Variants in NCKAP5 observed in about 807,000 individuals in gnomAD.
NCKAP5 encodes nck-associated protein 5.
NCKAP5 carries 92 observed loss-of-function variants against 167.0 expected under a neutral mutation model. The observed-to-expected ratio is 0.55, with a 90% CI of 0.47 to 0.66. The LOEUF (loss-of-function observed/expected upper bound fraction) is 0.66. Among genes scored for constraint, NCKAP5 ranks in the 30% least tolerant of loss-of-function variants. NCKAP5 has a pLI of 0.00. For synonymous variants in NCKAP5, 891 were observed against 877.4 expected (o/e 1.02, Z -0.27); for missense variants, 2,378 against 2,315.0 (o/e 1.03, Z -0.56).
At chr2:133,326,170 A>G (rs1219260041) in intron 3 of NCKAP5, among the ~76,000 whole-genome samples, 1 of 152,138 alleles carries the variant, frequency 6.6e-6, no homozygotes, top group African/African-American at 2.4e-5. Context: ...TTGAAAAACT[A>G]TAAGGCCGGG....
intron 8 of NCKAP5, among the ~76,000 whole-genome samples, chr2:132,903,231 A>G (rs142155897): frequency 1.3e-5 from 2 of 152,260 alleles, no homozygotes; most frequent in East Asian, 3.9e-4. Flanking sequence ...TAAACCAAAA[A>G]TGCAGTTCCT....
At chr2:132,963,897 A>G in intron 7 of NCKAP5, 28 bp from the exon 8 acceptor site, 1 of 1,611,528 alleles carries the variant, frequency 6.2e-7, no homozygotes, top group Non-Finnish European at 8.5e-7. Context: ...TACTGTTTTC[A>G]ATAATCTCCA....
chr2:132,809,286 T>G (rs1685674237), intron 11 of NCKAP5, among the ~76,000 whole-genome samples: 2 of 152,192 alleles, frequency 1.3e-5, no homozygotes, highest in Non-Finnish European at 2.9e-5. Context: ...TTAAGTCCAT[T>G]TGTTCCAAGG....
intron 16 of NCKAP5, among the ~76,000 whole-genome samples, chr2:132,759,641 C>T (rs1367059165): frequency 2.6e-5 from 4 of 152,032 alleles, no homozygotes; most frequent in Non-Finnish European, 4.4e-5. Flanking sequence ...GTTATTAATA[C>T]AGCTATACCA....
At chr2:132,697,861 C>G (rs184062537) in intron 19 of NCKAP5, among the ~76,000 whole-genome samples, 1 of 152,212 alleles carries the variant, frequency 6.6e-6, no homozygotes, top group East Asian at 1.9e-4. Flanking sequence ...TTTTTCTTCC[C>G]ATCAAACTTT....
intron 6 of NCKAP5, among the ~76,000 whole-genome samples, chr2:133,053,707 G>A (rs1038276870): frequency 1.3e-5 from 2 of 152,046 alleles, no homozygotes; most frequent in South Asian, 2.1e-4. Context: ...TGCTTACAGG[G>A]TAAGATTTCA....
At chr2:132,712,517 A>T (rs1467104033) in intron 19 of NCKAP5, among the ~76,000 whole-genome samples, 7 of 152,056 alleles carry the variant, frequency 4.6e-5, no homozygotes, top group African/African-American at 9.7e-5. Flanking sequence ...CCGGGTGTAG[A>T]GGCGGGCACC....
At chr2:132,931,304 G>A (rs1019146327) in intron 8 of NCKAP5, 3 of 152,124 alleles carry the variant, frequency 2.0e-5, no homozygotes, top group Non-Finnish European at 2.9e-5. Flanking sequence ...AATAACAGGC[G>A]AATAGACTAA....
chr2:133,623,534 C>A, the NCKAP5 span, among the ~76,000 whole-genome samples: 1 of 151,368 alleles, frequency 6.6e-6, no homozygotes, highest in Non-Finnish European at 1.5e-5. Flanking sequence ...AAATGGCCAA[C>A]AAGCATATGG....
intron 11 of NCKAP5, among the ~76,000 whole-genome samples, chr2:132,858,847 A>C (rs1689667275): frequency 1.3e-5 from 2 of 152,196 alleles, no homozygotes; most frequent in Admixed American, 6.5e-5. Flanking sequence ...TTATATACCC[A>C]TAGCACGTGT....
At chr2:133,524,982 ATGTG>A (rs1050474196) in intron 2 of NCKAP5, among the ~76,000 whole-genome samples, 2 of 152,118 alleles carry the variant, frequency 1.3e-5, no homozygotes, top group Admixed American at 6.5e-5. Context: ...GTATGTGTGC[ATGTG>A]TGTGTGTATT....
At chr2:132,788,327 T>TTATA (rs137867378) in intron 13 of NCKAP5, among the ~76,000 whole-genome samples, 99 of 151,938 alleles carry the variant, frequency 6.5e-4, no homozygotes, top group African/African-American at 2.2e-3. Context: ...GACAAGAATC[T>TTATA]TATATATATA....
chr2:132,716,851 C>T (rs766412012), intron 19 of NCKAP5, among the ~76,000 whole-genome samples: 1 of 152,196 alleles, frequency 6.6e-6, no homozygotes, highest in African/African-American at 2.4e-5. Context: ...ATGCAAGTCA[C>T]ATCACAGCCT....
At chr2:133,244,885 A>G (rs971622688) in intron 4 of NCKAP5, among the ~76,000 whole-genome samples, 5 of 152,324 alleles carry the variant, frequency 3.3e-5, no homozygotes, top group Admixed American at 6.5e-5. Flanking sequence ...ACATAAGAAC[A>G]TATCTTGATG....
At chr2:133,387,371 G>A (rs957762883) in intron 3 of NCKAP5, among the ~76,000 whole-genome samples, 1 of 152,052 alleles carries the variant, frequency 6.6e-6, no homozygotes, top group African/African-American at 2.4e-5. Context: ...TTGAATATTG[G>A]CCCCCACTCT....
intron 7 of NCKAP5, among the ~76,000 whole-genome samples, chr2:132,966,854 G>T (rs979386661): frequency 6.6e-6 from 1 of 152,018 alleles, no homozygotes; most frequent in Non-Finnish European, 1.5e-5. Context: ...TACACTCAGG[G>T]CCATGTCAAA....
At chr2:132,794,848 A>C (rs1274648667) in intron 12 of NCKAP5, among the ~76,000 whole-genome samples, 3 of 152,196 alleles carry the variant, frequency 2.0e-5, no homozygotes, top group Admixed American at 6.5e-5. Context: ...GTTACCAGGG[A>C]TCACTGATGT....
At chr2:133,616,445 T>G in the NCKAP5 span, among the ~76,000 whole-genome samples, 74,870 of 150,694 alleles carry the variant, frequency 0.5, 20,579 homozygotes, top group Middle Eastern at 0.71. Flanking sequence ...ATCAAATAGA[T>G]GCAATAAAAA....
chr2:132,692,520 C>T (rs1037795082), intron 19 of NCKAP5, among the ~76,000 whole-genome samples: 6 of 152,012 alleles, frequency 3.9e-5, no homozygotes, highest in Non-Finnish European at 8.8e-5. Flanking sequence ...AAGGCAGGGA[C>T]CTTGTCTTTT....
Sources: gnomAD v4.1 joint callset for allele counts (sites outside exome capture counted in the v4.1 genomes callset) on GRCh38, gnomAD v4.1.1 for gene constraint, MANE v1.5 for transcripts, NCBI Gene and HGNC (gene_info 2026-07-23, HGNC 2026-07-21) for gene names.